C3orf33: variants seen among roughly 807,000 people sequenced by gnomAD.
The protein encoded by C3orf33 is mitochondrial inner membrane subdomain organizer 1.
In C3orf33, 23 loss-of-function variants were observed where a neutral mutation model predicts 28.7. The ratio of observed to expected loss-of-function variants is 0.80; its 90% CI spans 0.58 to 1.13. The LOEUF (loss-of-function observed/expected upper bound fraction) is 1.13. Among genes scored for constraint, C3orf33 ranks in the 50% most tolerant of loss-of-function variants. The pLI is 0.00. For synonymous variants in C3orf33, 119 were observed against 120.5 expected (o/e 0.99, Z 0.08); for missense variants, 327 against 353.4 (o/e 0.93, Z 0.60).
intron 3 of C3orf33, among the ~76,000 whole-genome samples, chr3:155,772,772 C>CTGTGTGTGCG (rs1750628476): frequency 7.0e-6 from 1 of 142,138 alleles, no homozygotes; most frequent in Non-Finnish European, 1.5e-5. Context: ...TTTTTAGGCT[C>CTGTGTGTGCG]TGTGTGTGTG....
chr3:155,777,269 G>A (rs1175563642), intron 2 of C3orf33, among the ~76,000 whole-genome samples: 3 of 151,356 alleles, frequency 2.0e-5, no homozygotes, highest in Non-Finnish European at 2.9e-5. Context: ...AGCCAAGATC[G>A]CACCATTGCA....
intron 2 of C3orf33, among the ~76,000 whole-genome samples, chr3:155,788,606 C>T (rs775122588): frequency 7.3e-5 from 11 of 151,396 alleles, no homozygotes; most frequent in Non-Finnish European, 1.0e-4. Flanking sequence ...TGCTTGAACC[C>T]GGGATGCAGA....
At chr3:155,775,488 C>CAA (rs34514421) in intron 3 of C3orf33, among the ~76,000 whole-genome samples, 51 of 122,290 alleles carry the variant, frequency 4.2e-4, no homozygotes, top group African/African-American at 8.9e-4. Context: ...AACTCTGTCT[C>CAA]AAAAAAAAAA....
At chr3:155,792,839 T>C (rs1288824778) in intron 2 of C3orf33, among the ~76,000 whole-genome samples, 1 of 151,804 alleles carries the variant, frequency 6.6e-6, no homozygotes, top group East Asian at 1.9e-4. Flanking sequence ...ATCTAGAAAA[T>C]AGCCTCAAAG....
intron 2 of C3orf33, among the ~76,000 whole-genome samples, chr3:155,783,201 C>A (rs994275261): frequency 6.6e-6 from 1 of 151,042 alleles, no homozygotes; most frequent in African/African-American, 2.4e-5. Flanking sequence ...GTCACCCAGG[C>A]TGGAATGCAG....
At chr3:155,764,859 AAAAT>A (rs1182468721) in intron 4 of C3orf33, among the ~76,000 whole-genome samples, 1 of 152,262 alleles carries the variant, frequency 6.6e-6, no homozygotes, top group African/African-American at 2.4e-5. Flanking sequence ...CCATCTCGGG[AAAAT>A]AAATAAATAA....
Position 155,763,270 on chromosome 3 carries a change from ATCAT to A in C3orf33, c.*243_*246del, listed in dbSNP as rs1750290648. On this transcript the variant is annotated 3_prime_UTR_variant, in exon 5 of 5. Transcript: ENST00000340171. ...TCACACATTAGCACTATATATGTAA[ATCAT>A]TCAGCCTGGTAACTTCTCATAAAGT... is the stretch of plus-strand genomic sequence containing the variant. The A allele has an allele frequency of 3.3e-6, 1 of 303,638 alleles. No homozygotes were observed. The highest frequency in any genetic ancestry group is 5.9e-6 in the Non-Finnish European group (1 of 169,144). The allele number at this position is 303,638 out of a possible 1,614,324, so 18.8% of individuals were successfully genotyped here.
Position 155,802,461 on chromosome 3 carries a change from A to AT in C3orf33, c.174+70dup, listed in dbSNP as rs1751676940. On this transcript the variant is annotated intron_variant, in intron 2 of 4. Coordinates refer to ENST00000340171, the MANE Select transcript of C3orf33 (RefSeq NM_001308229.2). ...GTAACAATATGATACACTGTTTGAG[A>AT]TAAAAATTGTCTGAAATGGAAATAA... is the stretch of plus-strand genomic sequence containing the variant. 5 of 1,125,840 alleles carry AT rather than the reference A, an allele frequency of 4.4e-6. No homozygotes were observed. In the South Asian group the frequency reaches 6.4e-5, roughly 14 times the overall value. 69.7% of individuals were successfully genotyped at this position (1,125,840 alleles called of 1,614,324 possible).
chr3:155,793,099 C>T (rs1276340642), intron 2 of C3orf33, among the ~76,000 whole-genome samples: 4 of 151,890 alleles, frequency 2.6e-5, no homozygotes, highest in African/African-American at 9.7e-5. Flanking sequence ...AAACAAATAG[C>T]ATACAATGGC....
At chr3:155,786,298 C>A (rs920110476) in intron 2 of C3orf33, among the ~76,000 whole-genome samples, 3 of 151,500 alleles carry the variant, frequency 2.0e-5, no homozygotes, top group African/African-American at 7.3e-5. Context: ...AGGAGAAAAA[C>A]AATAGAGAAA....
At chr3:155,767,014 G>T (rs1277534919) in intron 4 of C3orf33, among the ~76,000 whole-genome samples, 1 of 151,550 alleles carries the variant, frequency 6.6e-6, no homozygotes, top group African/African-American at 2.4e-5. Flanking sequence ...CAGCACTTTG[G>T]GAGGCCAAGG....
At chr3:155,802,502 T>C (rs757023187) in intron 2 of C3orf33, 30 bp downstream of exon 2, 1 of 1,551,930 alleles carries the variant, frequency 6.4e-7, no homozygotes, top group South Asian at 1.1e-5. Flanking sequence ...CTACGGCTTG[T>C]TGTAATGTCT....
At chr3:155,776,759 C>CAAAAAAAAAAAAAAAAAAAAAAAAAAAAA (rs10654812) in intron 2 of C3orf33, among the ~76,000 whole-genome samples, 5 of 86,890 alleles carry the variant, frequency 5.8e-5, no homozygotes, top group African/African-American at 1.7e-4. Context: ...CTGACTCTGT[C>CAAAAAAAAAAAAAAAAAAAAAAAAAAAAA]AAAAAAAAAA....
chr3:155,795,069 A>G (rs1471066489), intron 2 of C3orf33, among the ~76,000 whole-genome samples: 2 of 152,190 alleles, frequency 1.3e-5, no homozygotes, highest in African/African-American at 4.8e-5. Context: ...TTCATAGAAC[A>G]TTTCATCCAA....
chr3:155,805,027 C>A (rs1181473371), intron 1 of C3orf33, among the ~76,000 whole-genome samples: 1 of 152,190 alleles, frequency 6.6e-6, no homozygotes, highest in Admixed American at 6.5e-5. Flanking sequence ...CCTCCTTGGA[C>A]CTCTTTCTTT....
At chr3:155,765,329 A>C (rs139727107) in intron 4 of C3orf33, among the ~76,000 whole-genome samples, 1,745 of 152,304 alleles carry the variant, frequency 0.011, 46 homozygotes, top group African/African-American at 0.041. Context: ...AGTGGTTCTG[A>C]AGATAAGTAA....
chr3:155,789,020 T>C (rs1577429832), intron 2 of C3orf33, among the ~76,000 whole-genome samples: 1 of 152,220 alleles, frequency 6.6e-6, no homozygotes, highest in East Asian at 1.9e-4. Context: ...TTTCTAACAT[T>C]AACAACAAAC....
At chr3:155,799,671 G>C (rs960392932) in intron 2 of C3orf33, among the ~76,000 whole-genome samples, 1 of 152,136 alleles carries the variant, frequency 6.6e-6, no homozygotes, top group African/African-American at 2.4e-5. Context: ...CTGGGTGACA[G>C]AGTGAGACCT....
intron 2 of C3orf33, among the ~76,000 whole-genome samples, chr3:155,786,681 A>G (rs1024185673): frequency 3.3e-5 from 5 of 152,116 alleles, no homozygotes; most frequent in African/African-American, 1.2e-4. Context: ...ACAAAAAAAA[A>G]TTAGCTGAGC....
Sources: allele counts gnomAD v4.1 joint callset (sites outside exome capture counted in the v4.1 genomes callset), GRCh38; gene constraint gnomAD v4.1.1; transcripts MANE v1.5; gene names NCBI Gene and HGNC (gene_info 2026-07-23, HGNC 2026-07-21).